Variants in GRK6 observed in about 807,000 individuals in gnomAD.
The protein encoded by GRK6 is G protein-coupled receptor kinase 6.
GRK6 carries 37 observed loss-of-function variants against 80.8 expected under a neutral mutation model. The observed-to-expected ratio is 0.46, with a 90% confidence interval of 0.35 to 0.60. The LOEUF (loss-of-function observed/expected upper bound fraction) is 0.60. GRK6 is among the 20% of genes least tolerant of loss of function. The probability of loss-of-function intolerance (pLI) is 0.00; values close to 1 mark genes in which losing one functional copy is unlikely to be tolerated. For synonymous variants in GRK6, 295 were observed against 320.9 expected (o/e 0.92, Z 0.86); for missense variants, 560 against 784.6 (o/e 0.71, Z 3.42).
Position 177,428,105 on chromosome 5 carries a change from G to T in GRK6, c.52+1208G>T, listed in dbSNP as rs1288012791. 2.0e-5 allele frequency among the ~76,000 whole-genome samples: 3 copies of T among 152,194 alleles called. No individual in the cohort carries two copies. The highest frequency in any genetic ancestry group is 7.2e-5 in the African/African-American group (3 of 41,442). On this transcript the variant is annotated intron_variant, in intron 1 of 15. Coordinates refer to ENST00000355472, the MANE Select transcript of GRK6 (RefSeq NM_001004106.3). The surrounding 1 kb of genome is among the most constrained non-coding windows in gnomAD (Gnocchi z 4.1). ...TGGCAGGCTGGGTCCTCATTGCCTG[G>T]GGAGCCTGTCTTATCCCCTGTCCCT... is the stretch of plus-strand genomic sequence containing the variant.
chr5:177,432,920 C>T (rs1446471516), intron 5 of GRK6, 114 bp downstream of exon 5: 6 of 914,652 alleles, frequency 6.6e-6, no homozygotes, highest in Non-Finnish European at 1.0e-5. Context: ...CTGCCCAGCC[C>T]TGGCCTTGCC....
chr5:177,435,160 C>G (rs1581682500), intron 11 of GRK6, 39 bp downstream of exon 11: 2 of 1,469,422 alleles, frequency 1.4e-6, no homozygotes, highest in Admixed American at 3.6e-5. Flanking sequence ...CTCCTGGGTT[C>G]CCTCACTATC....
intron 9 of GRK6, among the ~76,000 whole-genome samples, chr5:177,434,418 TC>T (rs1764047336): frequency 6.6e-6 from 1 of 152,136 alleles, no homozygotes; most frequent in Non-Finnish European, 1.5e-5. Flanking sequence ...AATTCCTACT[TC>T]CCAGGTTGTT....
chr5:177,437,162 C>G (rs994001248), intron 13 of GRK6, among the ~76,000 whole-genome samples: 1 of 152,052 alleles, frequency 6.6e-6, no homozygotes, highest in African/African-American at 2.4e-5. Context: ...ACCATGTTGG[C>G]CAGGCTGGTC....
intron 5 of GRK6, 88 bp from the exon 6 acceptor site, chr5:177,433,059 T>C (rs1581678691): frequency 2.6e-6 from 3 of 1,165,948 alleles, no homozygotes; most frequent in East Asian, 4.7e-5. Context: ...GGGCTAAGCC[T>C]GTACAGAACG....
chr5:177,431,166 C>T (rs1236884044), intron 2 of GRK6, among the ~76,000 whole-genome samples, 199 bp downstream of exon 2: 3 of 152,228 alleles, frequency 2.0e-5, no homozygotes, highest in Non-Finnish European at 4.4e-5. Context: ...AACAGGGTCA[C>T]ACCGAGGGTG....
Position 177,433,981 on chromosome 5 carries a change from G to A in GRK6, c.806G>A (p.Gly269Asp). 1 of 1,612,764 alleles carries A rather than the reference G, an allele frequency of 6.2e-7. No individual in the cohort carries two copies. Among genetic ancestry groups the A allele is most frequent in the Non-Finnish European group, 8.5e-7 (1 of 1,179,324 alleles). The change falls in exon 9 of 16, where the codon GGC (glycine) becomes GAC (aspartate). Residue 269 changes from glycine to aspartate, a missense_variant. Physicochemically the swap from Gly to Asp is moderately conservative, Grantham distance 94. This residue lies in a region of GRK6 where 77 missense variants were observed against 156.9 expected (regional missense o/e 0.49). Transcript: ENST00000355472. ...CTGGTGCTGACACTGATGAACGGGGGCGACCTCAAGTTCCACATCTACCAC... is the reference window on the plus strand; with the variant it reads ...CTGGTGCTGACACTGATGAACGGGGACGACCTCAAGTTCCACATCTACCAC... ...LCLVLTLMNG[G>D]DLKFHIYHMG...
chr5:177,441,477 G>C lies in GRK6; in HGVS notation c.1678-260G>C. ...CAGCCCCAGGGGAGAGGGCTGGGCA[G>C]AGGCCTTGCCCTGGCAGACCGTGGG... On this transcript the variant is annotated intron_variant, in intron 15 of 15. Transcript: ENST00000355472. 4.8e-6 allele frequency: 3 copies of C among 630,230 alleles called. No homozygotes were observed. In the South Asian group the frequency reaches 5.8e-5, roughly 12 times the overall value. The allele number at this position is 630,230 out of a possible 1,614,324, so 39.0% of individuals were successfully genotyped here. A position where few individuals can be genotyped will look rare whatever the true frequency, so the allele number is the denominator to read the frequency against.
At chr5:177,436,334 T>TTGCCCCC in intron 12 of GRK6, 53 bp downstream of exon 12, 4 of 1,555,958 alleles carry the variant, frequency 2.6e-6, no homozygotes, top group Non-Finnish European at 3.5e-6. Flanking sequence ...GATGCACCTT[T>TTGCCCCC]CCCTCCCTCC....
At position 177,439,634 on chromosome 5, in the gene GRK6, T is replaced by C. The variant is rs73347099; in HGVS notation, c.1405-1066T>C. Among the ~76,000 whole-genome samples the C allele has an allele frequency of 2.4e-3, 346 of 146,770 alleles. 3 individuals are homozygous for C. Among genetic ancestry groups the C allele is most frequent in the African/African-American group, 7.7e-3 (306 of 39,710 alleles). ...TGAGTGTGTTCATTACCTGCCCCAC[T>C]CTGCAAAAAAAAAAAAAACCCATAC... is the stretch of plus-strand genomic sequence containing the variant. On this transcript the variant is annotated intron_variant, in intron 13 of 15. Transcript: ENST00000355472.
At position 177,435,090 on chromosome 5, in the gene GRK6, C is replaced by T. The variant is rs1463055792; in HGVS notation, c.1026C>T (p.Ile342=). 6.2e-7 allele frequency: 1 copy of T among 1,611,062 alleles called. No individual in the cohort carries two copies. The highest frequency in any genetic ancestry group is 1.3e-5 in the African/African-American group (1 of 74,848). ...LAVHVPEGQT[I]KGRVGTVGYM... ...TGCATGTGCCCGAGGGCCAGACCAT[C>T]AAAGGGCGTGTGGGCACCGTGGGTT... The change falls in exon 11 of 16, where the codon ATC becomes ATT. Residue 342 remains isoleucine (I), a synonymous_variant. Transcript: ENST00000355472.
chr5:177,436,559 G>A (rs559546136), intron 13 of GRK6, 29 bp downstream of exon 13: 43 of 1,536,120 alleles, frequency 2.8e-5, no homozygotes, highest in Middle Eastern at 2.0e-4. Context: ...TGCTGAGGGC[G>A]GGGCCCAGCC....
At position 177,433,967 on chromosome 5, in the gene GRK6, A is replaced by T. The variant is rs1214109770; in HGVS notation, c.792A>T (p.Thr264=). The change falls in exon 9 of 16, where the codon ACA becomes ACT. Residue 264 remains threonine, a synonymous_variant. Transcript: ENST00000355472. ...AGGACGCGCTGTGCCTGGTGCTGACACTGATGAACGGGGGCGACCTCAAGT... is the reference window on the plus strand; with the variant it reads ...AGGACGCGCTGTGCCTGGTGCTGACTCTGATGAACGGGGGCGACCTCAAGT... The part of the protein sequence containing the change: ...ETKDALCLVL[T]LMNGGDLKFH... 6.2e-7 allele frequency: 1 copy of T among 1,611,416 alleles called. No homozygotes were observed. The highest frequency in any genetic ancestry group is 1.7e-5 in the Admixed American group (1 of 59,760).
intron 4 of GRK6, 124 bp from the exon 5 acceptor site, chr5:177,432,582 G>A: frequency 1.3e-6 from 1 of 759,200 alleles, no homozygotes; most frequent in Non-Finnish European, 2.2e-6. Context: ...CAACCAGGCT[G>A]GCTGGCACAC....
Position 177,440,758 on chromosome 5 carries a change from G to T in GRK6, c.1463G>T (p.Gly488Val), listed in dbSNP as rs1764442466. Residue 488 changes from glycine to valine, a missense_variant, in exon 14 of 16, where the codon GGC (glycine) becomes GTC (valine). Gly to Val is a moderately radical substitution (Grantham distance 109). Transcript: ENST00000355472. The stretch of plus-strand genomic sequence containing the variant: ...ATTGAACAGTTCTCTACGGTCAAGG[G>T]CGTGGAGCTGGAGCCTACCGACCAG... ...LDIEQFSTVKGVELEPTDQDF... is the reference protein window; with the variant it reads ...LDIEQFSTVKVVELEPTDQDF... 1 of 1,614,204 alleles carries T rather than the reference G, an allele frequency of 6.2e-7. No homozygotes were observed. The highest frequency in any genetic ancestry group is 8.5e-7 in the Non-Finnish European group (1 of 1,180,024).
At chr5:177,435,920 G>A (rs1166296780) in intron 11 of GRK6, among the ~76,000 whole-genome samples, 153 bp from the exon 12 acceptor site, 2 of 152,270 alleles carry the variant, frequency 1.3e-5, no homozygotes, top group South Asian at 4.1e-4. Flanking sequence ...TATTCACCCC[G>A]CTTGATGGGG....
At chr5:177,431,853 G>A in intron 2 of GRK6, 142 bp from the exon 3 acceptor site, 1 of 745,068 alleles carries the variant, frequency 1.3e-6, no homozygotes, top group Admixed American at 2.1e-5. Flanking sequence ...GAGGGTTGTG[G>A]TGAGGGTTCT....
Position 177,435,073 on chromosome 5 carries a change from C to T in GRK6, c.1009C>T (p.Pro337Ser). 2 of 1,612,264 alleles carry T rather than the reference C, an allele frequency of 1.2e-6. No homozygotes were observed. Among genetic ancestry groups the T allele is most frequent in the Non-Finnish European group, 1.7e-6 (2 of 1,179,510 alleles). The change falls in exon 11 of 16, where the codon CCC becomes TCC. Residue 337 changes from proline (P) to serine (S), a missense_variant. Transcript: ENST00000355472. The stretch of plus-strand genomic sequence containing the variant: ...TGACCTGGGACTAGCTGTGCATGTG[C>T]CCGAGGGCCAGACCATCAAAGGGCG... Reference protein sequence around the residue: ...ISDLGLAVHVPEGQTIKGRVG... With the variant: ...ISDLGLAVHVSEGQTIKGRVG...
At chr5:177,425,734 T>C (rs1013217590), upstream of GRK6, among the ~76,000 whole-genome samples, 4 of 152,236 alleles carry the variant, frequency 2.6e-5, no homozygotes, top group Non-Finnish European at 5.9e-5. Context: ...TGGATCCGGC[T>C]CTGCCTTACT....
Sources: gnomAD v4.1 joint callset for allele counts (sites outside exome capture counted in the v4.1 genomes callset) on GRCh38, gnomAD v4.1.1 for gene constraint, gnomAD v4.1.1 regional missense constraint, Gnocchi (gnomAD v3.1) non-coding constraint, MANE v1.5 for transcripts, NCBI Gene and HGNC (gene_info 2026-07-23, HGNC 2026-07-21) for gene names.